The following DRICH1 variants were observed in gnomAD, a reference collection of about 807,000 sequenced individuals.
DRICH1 encodes aspartate rich 1.
Under a neutral mutation model 39.5 loss-of-function variants are expected in DRICH1, and 38 were observed. The ratio of observed to expected loss-of-function variants is 0.96; its 90% CI spans 0.74 to 1.26. DRICH1 has a LOEUF of 1.26. Among genes scored for constraint, DRICH1 ranks in the 50% most tolerant of loss-of-function variants. The pLI, the probability that DRICH1 is intolerant of heterozygous loss-of-function variation, is 0.00. For missense variants in DRICH1, 279 were observed against 270.4 expected (o/e 1.03, Z -0.22); for synonymous variants, 84 against 99.5 (o/e 0.84, Z 0.93).
the DRICH1 span, among the ~76,000 whole-genome samples, chr22:23,595,859 G>T: frequency 2.2e-3 from 340 of 152,280 alleles, 1 homozygote; most frequent in East Asian, 0.022. Context: ...GGAACTGAGA[G>T]GACAAGTTGA....
In DRICH1 at chr22:23,616,840, T is replaced by A. The variant is rs376396400; in HGVS notation, c.541+13A>T. ...TTTGTTTCTCAGAAAGTGAGTTAGT[T>A]CAAGGTACATACCCTGGACAGGTGA... On this transcript the variant is annotated intron_variant, in intron 8 of 11. Transcript: ENST00000317749. 5.6e-6 allele frequency: 9 copies of A among 1,613,866 alleles called. No individual in the cohort carries two copies. Among genetic ancestry groups the A allele is most frequent in the Non-Finnish European group, 7.6e-6 (9 of 1,179,840 alleles).
chr22:23,608,000 T>C (rs921682306), downstream of DRICH1, among the ~76,000 whole-genome samples: 3 of 152,208 alleles, frequency 2.0e-5, no homozygotes, highest in Non-Finnish European at 2.9e-5. Context: ...TCTCGCTGCA[T>C]GAATGAATCA....
the DRICH1 span, among the ~76,000 whole-genome samples, chr22:23,582,470 CT>C: frequency 2.0e-5 from 3 of 151,918 alleles, no homozygotes; most frequent in African/African-American, 7.3e-5. Context: ...CTCTGGATAC[CT>C]CCTATGGATG....
rs1928341940 is a variant in DRICH1 at position 23,630,765 on chromosome 22, A to T, written c.208+1051T>A. 3 of 152,150 alleles carry T rather than the reference A, an allele frequency of 2.0e-5. No individual in the cohort carries two copies. In the South Asian group the frequency reaches 6.2e-4, roughly 32 times the overall value. The allele number at this position is 152,150 out of a possible 1,614,324, so 9.4% of individuals were successfully genotyped here. On this transcript the variant is annotated intron_variant, in intron 1 of 11. Transcript: ENST00000317749. ...TTTCCAGGGACTCTAGTGGATGATGACAGTTCTTCACTGAGCCATCTGTTT... is the reference window on the plus strand; with the variant it reads ...TTTCCAGGGACTCTAGTGGATGATGTCAGTTCTTCACTGAGCCATCTGTTT...
intron 11 of DRICH1, among the ~76,000 whole-genome samples, chr22:23,612,111 T>C (rs1287156101): frequency 1.3e-5 from 2 of 152,138 alleles, no homozygotes; most frequent in Non-Finnish European, 2.9e-5. Context: ...GCTGGTGTTA[T>C]TCCAAAACCA....
chr22:23,604,648 C>T (rs1375878539), downstream of DRICH1, among the ~76,000 whole-genome samples: 2 of 152,142 alleles, frequency 1.3e-5, no homozygotes, highest in Non-Finnish European at 2.9e-5. Context: ...CAGCTTTCCT[C>T]GTGGAAGCCC....
intron 11 of DRICH1, 120 bp from the exon 12 acceptor site, chr22:23,608,888 G>T: frequency 9.1e-7 from 1 of 1,095,272 alleles, no homozygotes; most frequent in Non-Finnish European, 1.4e-6. Flanking sequence ...TGCAGTCCAG[G>T]CTGAGGAGAA....
intron 11 of DRICH1, among the ~76,000 whole-genome samples, chr22:23,611,743 A>G (rs146436589): frequency 1.9e-4 from 29 of 152,316 alleles, no homozygotes; most frequent in African/African-American, 7.0e-4. Context: ...AACAAAGCTG[A>G]AAATTTCCTT....
At chr22:23,618,525 T>C (rs1927515572) in intron 6 of DRICH1, among the ~76,000 whole-genome samples, 1 of 152,182 alleles carries the variant, frequency 6.6e-6, no homozygotes, top group Non-Finnish European at 1.5e-5. Flanking sequence ...AACCATGGTG[T>C]GTGAACACAA....
At chr22:23,613,076 C>T (rs1238380305) in intron 11 of DRICH1, among the ~76,000 whole-genome samples, 1 of 152,184 alleles carries the variant, frequency 6.6e-6, no homozygotes, top group Non-Finnish European at 1.5e-5. Flanking sequence ...AAGATAATCT[C>T]TCATGAACGC....
chr22:23,596,039 C>G, the DRICH1 span, among the ~76,000 whole-genome samples: 1 of 152,220 alleles, frequency 6.6e-6, no homozygotes, highest in Non-Finnish European at 1.5e-5. Flanking sequence ...CTCTCAGGGG[C>G]ACTTCTGCTC....
intron 1 of DRICH1, among the ~76,000 whole-genome samples, chr22:23,629,454 G>T (rs1360027574): frequency 2.0e-5 from 3 of 152,194 alleles, no homozygotes; most frequent in African/African-American, 7.2e-5. Context: ...ATGGGGATCA[G>T]TACATGGGGA....
At chr22:23,602,709 T>TG in the DRICH1 span, among the ~76,000 whole-genome samples, 2,745 of 147,104 alleles carry the variant, frequency 0.019, 41 homozygotes, top group African/African-American at 0.048. Context: ...TAGAGAAATT[T>TG]GGGGGGGGGT....
chr22:23,600,676 C>CTT, the DRICH1 span, among the ~76,000 whole-genome samples: 6,295 of 109,560 alleles, frequency 0.057, 311 homozygotes, highest in African/African-American at 0.13. Flanking sequence ...AATTTTTTTT[C>CTT]TTTTTTTTTT....
chr22:23,628,198 G>C (rs1042988883), intron 1 of DRICH1, among the ~76,000 whole-genome samples: 2 of 152,220 alleles, frequency 1.3e-5, no homozygotes, highest in Non-Finnish European at 2.9e-5. Context: ...ACTGGAACTT[G>C]TGTCCCTCCC....
At chr22:23,583,515 C>T in the DRICH1 span, 1 of 152,226 alleles carries the variant, frequency 6.6e-6, no homozygotes, top group Non-Finnish European at 1.5e-5. Flanking sequence ...CAGAAGACTT[C>T]ACATTATCTC....
At chr22:23,630,509 C>T (rs992751161) in intron 1 of DRICH1, 7 of 152,096 alleles carry the variant, frequency 4.6e-5, no homozygotes, top group African/African-American at 1.7e-4. Context: ...TATGGTGGTG[C>T]TGAAGTTTTT....
chr22:23,618,823 T>C (rs1927533813), intron 6 of DRICH1, among the ~76,000 whole-genome samples: 2 of 152,182 alleles, frequency 1.3e-5, no homozygotes, highest in South Asian at 2.1e-4. Flanking sequence ...AACTAGCTTA[T>C]GTAATTTTTT....
upstream of DRICH1, chr22:23,632,406 G>T: frequency 3.5e-6 from 1 of 285,020 alleles, no homozygotes. Flanking sequence ...GGTCAGGCTA[G>T]TGACTCACAA....
Sources: allele counts gnomAD v4.1 joint callset (sites outside exome capture counted in the v4.1 genomes callset), GRCh38; gene constraint gnomAD v4.1.1; transcripts MANE v1.5; gene names NCBI Gene and HGNC (gene_info 2026-07-23, HGNC 2026-07-21).